The following PLEKHA7 variants were observed in gnomAD, a reference collection of about 807,000 sequenced individuals.
PLEKHA7 encodes the protein pleckstrin homology domain containing A7, also known as pleckstrin homology domain-containing family A member 7.
Under a neutral mutation model 170.0 loss-of-function variants are expected in PLEKHA7, and 104 were observed. The ratio of observed to expected loss-of-function variants is 0.61; its 90% CI spans 0.52 to 0.72. The LOEUF (loss-of-function observed/expected upper bound fraction) is 0.72, where lower values mean the gene tolerates loss of function less well. PLEKHA7 is among the 30% of genes least tolerant of loss of function. The pLI is 0.00. For missense variants in PLEKHA7, 1,615 were observed against 1,671.7 expected (o/e 0.97, Z 0.59); for synonymous variants, 648 against 660.8 (o/e 0.98, Z 0.30).
intron 3 of PLEKHA7, among the ~76,000 whole-genome samples, chr11:16,880,791 A>T (rs768111313): frequency 6.6e-6 from 1 of 152,168 alleles, no homozygotes; most frequent in Non-Finnish European, 1.5e-5. Context: ...ATCTTAGAAC[A>T]CCCAGTTTTA....
intron 13 of PLEKHA7, among the ~76,000 whole-genome samples, chr11:16,811,476 C>T (rs1380498520): frequency 9.9e-5 from 15 of 152,114 alleles, no homozygotes; most frequent in Non-Finnish European, 2.1e-4. Context: ...TATGGTGCTG[C>T]GCAGGGCAGG....
intron 3 of PLEKHA7, among the ~76,000 whole-genome samples, chr11:16,962,274 A>T (rs1296491408): frequency 6.6e-6 from 1 of 152,192 alleles, no homozygotes; most frequent in African/African-American, 2.4e-5. Context: ...CTGAATGGGC[A>T]TTATCACAGT....
At chr11:16,930,224 C>G (rs1430332993) in intron 3 of PLEKHA7, among the ~76,000 whole-genome samples, 1 of 152,020 alleles carries the variant, frequency 6.6e-6, no homozygotes, top group Non-Finnish European at 1.5e-5. Flanking sequence ...CCCAGGAACT[C>G]TTAATCCAAG....
chr11:16,794,431 G>C lies in PLEKHA7; in HGVS notation c.2745+57C>G, dbSNP rs180683504. ...CCAGGAGTTTCTCTCCCAGGAGAAG[G>C]TAATCTGAGGACAGAGAGGAAACAA... On this transcript the variant is annotated intron_variant, in intron 19 of 26. Coordinates refer to ENST00000531066, the MANE Select transcript of PLEKHA7 (RefSeq NM_001329630.2). The C allele has an allele frequency of 3.8e-4, 575 of 1,518,490 alleles. 1 individual carries two copies. The highest frequency in any genetic ancestry group is 2.7e-3 in the Middle Eastern group (16 of 5,906). 94.1% of individuals were successfully genotyped at this position (1,518,490 alleles called of 1,614,324 possible).
At position 16,791,022 on chromosome 11, in the gene PLEKHA7, C is replaced by A; in HGVS notation, c.2923G>T (p.Gly975Trp). ...RDRELGQCVN[G>W]DSRVELRSYV... ...GGTCCCCCGCTCACCCTGGAATCCC[C>A]ATTCACACACTGCCCCAGCTCCCGG... Residue 975 changes from glycine (G) to tryptophan (W), a missense_variant, in exon 20 of 27, where the codon GGG becomes TGG. By Grantham distance (184) the Gly-to-Trp change is radical (BLOSUM62 -2). Coordinates refer to ENST00000531066, the MANE Select transcript of PLEKHA7 (RefSeq NM_001329630.2). This position sits in a 1 kb window ranked among gnomAD's most constrained non-coding sequence, Gnocchi z 4.5. The A allele has an allele frequency of 6.2e-7, 1 of 1,614,122 alleles. No individual in the cohort carries two copies. Among genetic ancestry groups the A allele is most frequent in the Non-Finnish European group, 8.5e-7 (1 of 1,180,032 alleles).
chr11:16,839,469 A>G (rs451236), intron 9 of PLEKHA7, among the ~76,000 whole-genome samples: 3 of 149,966 alleles, frequency 2.0e-5, no homozygotes, highest in Non-Finnish European at 4.4e-5. Flanking sequence ...AATTATAAAT[A>G]TATACATATA....
chr11:16,815,826 G>A (rs1849710441), intron 12 of PLEKHA7, among the ~76,000 whole-genome samples: 2 of 152,162 alleles, frequency 1.3e-5, no homozygotes, highest in South Asian at 4.1e-4. Context: ...TCAGACTCGA[G>A]CTTTGAAGAT....
chr11:16,878,933 CTG>C (rs1442045670), intron 3 of PLEKHA7, among the ~76,000 whole-genome samples: 3 of 152,154 alleles, frequency 2.0e-5, no homozygotes, highest in Admixed American at 6.6e-5. Flanking sequence ...CTCTCCTGAA[CTG>C]TGTTACAATA....
chr11:16,926,653 G>A (rs1444626173), intron 3 of PLEKHA7, among the ~76,000 whole-genome samples: 1 of 152,190 alleles, frequency 6.6e-6, no homozygotes, highest in African/African-American at 2.4e-5. Context: ...AAGCTGAGAC[G>A]TTACCCAGTG....
chr11:16,889,358 C>G (rs1856442192), intron 3 of PLEKHA7, among the ~76,000 whole-genome samples: 1 of 142,756 alleles, frequency 7.0e-6, no homozygotes, highest in South Asian at 2.2e-4. Context: ...CTTTCTCAGA[C>G]TCAGTCCACC....
chr11:16,897,582 C>G (rs544860218), intron 3 of PLEKHA7, among the ~76,000 whole-genome samples: 4 of 152,226 alleles, frequency 2.6e-5, no homozygotes, highest in South Asian at 4.1e-4. Flanking sequence ...TTTAAATGGG[C>G]CACCCGCAGA....
intron 9 of PLEKHA7, among the ~76,000 whole-genome samples, chr11:16,830,333 G>A (rs1358209520): frequency 6.6e-6 from 1 of 152,124 alleles, no homozygotes; most frequent in Admixed American, 6.6e-5. Flanking sequence ...TAGAGGATGT[G>A]CTGAGGCTAC....
chr11:16,785,427 C>G, intron 24 of PLEKHA7, among the ~76,000 whole-genome samples: 2 of 152,218 alleles, frequency 1.3e-5, no homozygotes, highest in East Asian at 3.9e-4. Flanking sequence ...GTCAAAGATG[C>G]AGCAAAGATG....
chr11:16,826,344 C>T lies in PLEKHA7; in HGVS notation c.1119G>A (p.Leu373=), dbSNP rs1390250132. Residue 373 remains leucine (L), a synonymous_variant, in exon 10 of 27, where the codon TTG becomes TTA. Transcript: ENST00000531066. ...TTGGGCCAGTGGGTAAATCCATAAA[C>T]AAGGCATCCTCCTCGGCTGGCGAGT... ...SPYSPAEEDA[L]FMDLPTGPRG... is the part of the protein sequence containing the mutation. The T allele has an allele frequency of 6.2e-7, 1 of 1,614,244 alleles. No homozygotes were observed.
chr11:16,788,931 G>A (rs568714587), intron 23 of PLEKHA7, 165 bp downstream of exon 23: 26 of 849,896 alleles, frequency 3.1e-5, no homozygotes, highest in East Asian at 1.3e-4. Context: ...CCAGGCATTC[G>A]TCCAGCCTGG....
chr11:16,980,047 C>T (rs187229827), intron 3 of PLEKHA7, among the ~76,000 whole-genome samples: 7 of 152,310 alleles, frequency 4.6e-5, no homozygotes, highest in Non-Finnish European at 8.8e-5. Context: ...TAATGACCAA[C>T]AGCCACAGGA....
At chr11:16,837,936 G>C (rs1293886994) in intron 9 of PLEKHA7, among the ~76,000 whole-genome samples, 1 of 152,124 alleles carries the variant, frequency 6.6e-6, no homozygotes, top group Non-Finnish European at 1.5e-5. Flanking sequence ...TGACATAAGG[G>C]AAATTGGGCT....
chr11:16,997,947 CAGAG>C (rs888359093), intron 3 of PLEKHA7, among the ~76,000 whole-genome samples: 4 of 152,172 alleles, frequency 2.6e-5, no homozygotes, highest in African/African-American at 9.7e-5. Context: ...CCAAGCTGGA[CAGAG>C]AGAGACTATG....
At chr11:16,798,266 T>C (rs1439149638) in intron 17 of PLEKHA7, among the ~76,000 whole-genome samples, 2 of 152,234 alleles carry the variant, frequency 1.3e-5, no homozygotes, top group African/African-American at 4.8e-5. Context: ...GCTAGCACAG[T>C]GCCTGCTCAA....
Sources: gnomAD v4.1 joint callset for allele counts (sites outside exome capture counted in the v4.1 genomes callset) on GRCh38, gnomAD v4.1.1 for gene constraint, Gnocchi (gnomAD v3.1) non-coding constraint, MANE v1.5 for transcripts, NCBI Gene and HGNC (gene_info 2026-07-23, HGNC 2026-07-21) for gene names.